Variants in ZNRF1 observed in about 807,000 individuals in gnomAD.
ZNRF1 encodes E3 ubiquitin-protein ligase ZNRF1.
A neutral mutation model predicts 18.4 loss-of-function variants in ZNRF1; 3 were observed. That is an observed-to-expected ratio of 0.16 (90% CI 0.07 to 0.42). The LOEUF is 0.42. Among genes scored for constraint, ZNRF1 ranks in the 10% least tolerant of loss-of-function variants. The pLI is 0.99. For missense variants in ZNRF1, 310 were observed against 329.8 expected (o/e 0.94, Z 0.47); for synonymous variants, 157 against 144.2 (o/e 1.09, Z -0.64).
intron 1 of ZNRF1, among the ~76,000 whole-genome samples, chr16:75,006,636 A>C (rs533627954): frequency 1.2e-4 from 18 of 152,232 alleles, no homozygotes; most frequent in African/African-American, 4.3e-4. Flanking sequence ...GGGTTTCACC[A>C]TGTTGGCCAG....
At chr16:75,086,200 C>A (rs7184507) in intron 1 of ZNRF1, among the ~76,000 whole-genome samples, 2,650 of 152,242 alleles carry the variant, frequency 0.017, 60 homozygotes, top group African/African-American at 0.049. Flanking sequence ...CCCTCACAGT[C>A]ACACCAAAAA....
chr16:75,106,335 A>G lies in ZNRF1; in HGVS notation c.627-147A>G, dbSNP rs764603769. ...TCTTCGTGCTTCAGAAAGTAGGGAT[A>G]TCTGGGGACATGACTGTGTTTCCCT... On this transcript the variant is annotated intron_variant, in intron 3 of 4. Coordinates refer to ENST00000335325, the MANE Select transcript of ZNRF1 (RefSeq NM_032268.5). The G allele has an allele frequency of 8.8e-4, 645 of 729,126 alleles. 2 individuals carry two copies. Among genetic ancestry groups the G allele is most frequent in the Non-Finnish European group, 7.7e-4 (333 of 433,210 alleles). The allele number at this position is 729,126 out of a possible 1,614,324, so 45.2% of individuals were successfully genotyped here.
chr16:75,105,244 C>G (rs1460472530), intron 3 of ZNRF1: 3 of 261,272 alleles, frequency 1.1e-5, no homozygotes, highest in Non-Finnish European at 2.3e-5. Context: ...ACGGGTCCCT[C>G]TGCTCCACAG....
intron 1 of ZNRF1, among the ~76,000 whole-genome samples, chr16:75,070,732 G>T (rs186574953): frequency 9.9e-5 from 15 of 152,226 alleles, no homozygotes; most frequent in Admixed American, 7.8e-4. Context: ...TAACAGCGTG[G>T]ACTTGCCTTG....
intron 1 of ZNRF1, among the ~76,000 whole-genome samples, chr16:75,021,119 C>G (rs2035141926): frequency 1.3e-5 from 2 of 152,156 alleles, no homozygotes; most frequent in African/African-American, 4.8e-5. Context: ...CAGCTCAGTG[C>G]AACGTCCACC....
chr16:75,109,367 C>G lies in ZNRF1; in HGVS notation c.*1667C>G, dbSNP rs1000386991. On this transcript the variant is annotated 3_prime_UTR_variant, in exon 5 of 5. Transcript: ENST00000335325. ...AGCGAAGGAAAGCTCTAGAGGGAGA[C>G]GACTCCACCGCCTCTCTGCTCTGAC... 1 of 152,748 alleles carries G rather than the reference C, an allele frequency of 6.5e-6. No individual in the cohort carries two copies. Among genetic ancestry groups the G allele is most frequent in the South Asian group, 2.1e-4 (1 of 4,836 alleles). The allele number at this position is 152,748 out of a possible 1,614,324, so 9.5% of individuals were successfully genotyped here. A position where few individuals can be genotyped will look rare whatever the true frequency, so the allele number is the denominator to read the frequency against.
chr16:75,050,202 C>T (rs543050063), intron 1 of ZNRF1, among the ~76,000 whole-genome samples: 3 of 152,244 alleles, frequency 2.0e-5, no homozygotes, highest in East Asian at 1.9e-4. Context: ...GGATGGACCA[C>T]GGTTTGTTTA....
chr16:75,062,440 G>A (rs1454646566), intron 1 of ZNRF1, among the ~76,000 whole-genome samples: 2 of 152,330 alleles, frequency 1.3e-5, no homozygotes, highest in South Asian at 2.1e-4. Flanking sequence ...ATTCTTTATC[G>A]GAAAGAGTCA....
At chr16:75,008,944 A>G (rs571861144) in intron 1 of ZNRF1, among the ~76,000 whole-genome samples, 133 of 152,336 alleles carry the variant, frequency 8.7e-4, no homozygotes, top group Non-Finnish European at 1.6e-3. Context: ...ACCTACCAAG[A>G]AATTCCTCGT....
Position 75,050,893 on chromosome 16 carries a change from A to C in ZNRF1, c.425-42679A>C, listed in dbSNP as rs1045924684. On this transcript the variant is annotated intron_variant, in intron 1 of 4. Transcript: ENST00000335325. The stretch of plus-strand genomic sequence containing the variant: ...CTCAAAAAAAAAAAAAAAAAACAAA[A>C]AAAAACAAAAAACTTGTAGCCAGGT... 2.7e-3 allele frequency among the ~76,000 whole-genome samples: 336 copies of C among 126,478 alleles called. 7 individuals carry two copies. The highest frequency in any genetic ancestry group is 0.01 in the African/African-American group (306 of 29,746). The allele number at this position is 126,478 out of a possible 152,430, so 83.0% of individuals were successfully genotyped here. A position where few individuals can be genotyped will look rare whatever the true frequency, so the allele number is the denominator to read the frequency against.
chr16:75,076,259 T>A lies in ZNRF1; in HGVS notation c.425-17313T>A, dbSNP rs2145406425. ...TAAATGGTTCTGAACTTTTGGGTTC[T>A]AAGCCCAAACACTTTTGACATCTAA... is the stretch of plus-strand genomic sequence containing the variant. On this transcript the variant is annotated intron_variant, in intron 1 of 4. Transcript: ENST00000335325. Among the ~76,000 whole-genome samples, 2 of 152,320 alleles carry A rather than the reference T, an allele frequency of 1.3e-5. 1 individual carries two copies. Among genetic ancestry groups the A allele is most frequent in the South Asian group, 4.1e-4 (2 of 4,824 alleles).
chr16:75,026,688 C>T (rs1359984614), intron 1 of ZNRF1, among the ~76,000 whole-genome samples: 2 of 152,064 alleles, frequency 1.3e-5, no homozygotes, highest in Non-Finnish European at 2.9e-5. Context: ...GTAATCCCAG[C>T]ACTTTGGGAG....
intron 1 of ZNRF1, among the ~76,000 whole-genome samples, chr16:75,087,719 C>T (rs1487663977): frequency 6.6e-6 from 1 of 152,190 alleles, no homozygotes; most frequent in African/African-American, 2.4e-5. Flanking sequence ...GACAAGGAAC[C>T]CGGGGTACGT....
intron 1 of ZNRF1, among the ~76,000 whole-genome samples, chr16:75,023,683 A>G (rs1322684660): frequency 8.0e-6 from 1 of 124,532 alleles, no homozygotes; most frequent in Non-Finnish European, 2.0e-5. Context: ...AACTCCATCA[A>G]ACAAACAAAC....
intron 1 of ZNRF1, among the ~76,000 whole-genome samples, chr16:75,088,611 T>TC (rs1458154579): frequency 6.6e-6 from 1 of 152,188 alleles, no homozygotes; most frequent in African/African-American, 2.4e-5. Flanking sequence ...AGTCAGTCAG[T>TC]AGCACAGCAC....
intron 1 of ZNRF1, among the ~76,000 whole-genome samples, chr16:75,025,174 T>C (rs527556145): frequency 6.6e-6 from 1 of 152,202 alleles, no homozygotes; most frequent in African/African-American, 2.4e-5. Flanking sequence ...TTCATGCCAT[T>C]CTCCTGCCTC....
At chr16:75,031,492 TTTTG>T (rs149369550) in intron 1 of ZNRF1, among the ~76,000 whole-genome samples, 2,337 of 152,010 alleles carry the variant, frequency 0.015, 28 homozygotes, top group African/African-American at 0.024. Context: ...TTCTAAGGTT[TTTTG>T]TTTGTTTGTT....
chr16:75,093,923 G>A (rs2036169477), intron 2 of ZNRF1, among the ~76,000 whole-genome samples: 1 of 152,224 alleles, frequency 6.6e-6, no homozygotes, highest in African/African-American at 2.4e-5. Flanking sequence ...GGGCTGCTCA[G>A]TTAGGCCCCT....
In ZNRF1 at chr16:74,999,480, C is replaced by T. The variant is rs1713325372; in HGVS notation, c.-192C>T. 2 of 421,778 alleles carry T rather than the reference C, an allele frequency of 4.7e-6. No individual in the cohort carries two copies. Among genetic ancestry groups the T allele is most frequent in the Non-Finnish European group, 8.2e-6 (2 of 245,386 alleles). The allele number at this position is 421,778 out of a possible 1,614,324, so 26.1% of individuals were successfully genotyped here. A position where few individuals can be genotyped will look rare whatever the true frequency, so the allele number is the denominator to read the frequency against. ...CGTTTGAAATTCTGAGTTTGGGATCCCCGCCCGCCCGCCTGCCTCTTCCGC... is the reference window on the plus strand; with the variant it reads ...CGTTTGAAATTCTGAGTTTGGGATCTCCGCCCGCCCGCCTGCCTCTTCCGC... On this transcript the variant is annotated 5_prime_UTR_variant, in exon 1 of 5. Coordinates refer to ENST00000335325, the MANE Select transcript of ZNRF1 (RefSeq NM_032268.5).
Sources: gnomAD v4.1 joint callset for allele counts (sites outside exome capture counted in the v4.1 genomes callset) on GRCh38, gnomAD v4.1.1 for gene constraint, MANE v1.5 for transcripts, NCBI Gene and HGNC (gene_info 2026-07-23, HGNC 2026-07-21) for gene names.